UVSSA: variants seen among roughly 807,000 people sequenced by gnomAD.
The protein encoded by UVSSA is UV stimulated scaffold protein A.
In UVSSA, 72 loss-of-function variants were observed where a neutral mutation model predicts 73.9. The ratio of observed to expected loss-of-function variants is 0.97; its 90% CI spans 0.81 to 1.19. The LOEUF (loss-of-function observed/expected upper bound fraction) is 1.19. Among genes scored for constraint, UVSSA ranks in the 50% most tolerant of loss-of-function variants. UVSSA has a pLI of 0.00. For missense variants in UVSSA, 1,150 were observed against 965.0 expected (o/e 1.19, Z -2.54); for synonymous variants, 454 against 391.3 (o/e 1.16, Z -1.89).
At chr4:1,366,885 G>A (rs1474201630) in intron 8 of UVSSA, among the ~76,000 whole-genome samples, 2 of 152,212 alleles carry the variant, frequency 1.3e-5, no homozygotes, top group African/African-American at 2.4e-5. Context: ...GCCCTGCTCA[G>A]GGACAGAAAG....
At chr4:1,356,566 A>G (rs890510227) in intron 7 of UVSSA, 5 of 152,238 alleles carry the variant, frequency 3.3e-5, no homozygotes, top group Non-Finnish European at 5.9e-5. Context: ...ACTTTTTGCA[A>G]TGCGAAAGGA....
At position 1,366,419 on chromosome 4, in the gene UVSSA, C is replaced by G; in HGVS notation, c.1276C>G (p.Arg426Gly). 6.2e-7 allele frequency: 1 copy of G among 1,610,568 alleles called. No homozygotes were observed. Among genetic ancestry groups the G allele is most frequent in the Admixed American group, 1.7e-5 (1 of 59,542 alleles). ...GYEPHIPDHL[R>G]PEYGLEAAPE... ...TGAGCCACACATCCCCGACCACTTG[C>G]GGCCTGAGTATGGTGAGCAGTGGGT... Residue 426 changes from arginine (R) to glycine (G), a missense_variant, in exon 8 of 14, where the codon CGG (arginine) becomes GGG (glycine). Arg to Gly is a moderately radical substitution (Grantham distance 125). Coordinates refer to ENST00000389851, the MANE Select transcript of UVSSA (RefSeq NM_020894.4).
intron 7 of UVSSA, chr4:1,357,125 C>T (rs1298781696): frequency 6.8e-6 from 1 of 146,766 alleles, no homozygotes; most frequent in Non-Finnish European, 1.5e-5. Flanking sequence ...GGTCTGGTCT[C>T]ATCAGGCCTG....
chr4:1,355,236 A>G lies in UVSSA; in HGVS notation c.1167A>G (p.Glu389=), dbSNP rs1432670300. The G allele has an allele frequency of 1.9e-6, 3 of 1,598,756 alleles. No individual in the cohort carries two copies. Among genetic ancestry groups the G allele is most frequent in the Admixed American group, 1.7e-5 (1 of 59,314 alleles). The change falls in exon 7 of 14, where the codon GAA becomes GAG. Residue 389 remains glutamate (E), a synonymous_variant. Coordinates refer to ENST00000389851, the MANE Select transcript of UVSSA (RefSeq NM_020894.4). ...TGGACATCGAGCCTGAGGGAGGGGA[A>G]AGGCGCAGGGTGAGTGGGCAGGCGG... ...KELDIEPEGG[E]RRRTEALGDA... is the part of the protein sequence containing the mutation.
Position 1,366,542 on chromosome 4 carries a change from A to G in UVSSA, c.1288+111A>G, listed in dbSNP as rs111277739. The G allele has an allele frequency of 4.2e-5, 31 of 744,472 alleles. 1 individual carries two copies. Among genetic ancestry groups the G allele is most frequent in the African/African-American group, 4.0e-4 (23 of 56,840 alleles). The allele number at this position is 744,472 out of a possible 1,614,324, so 46.1% of individuals were successfully genotyped here. On this transcript the variant is annotated intron_variant, in intron 8 of 13. Transcript: ENST00000389851. ...CAGGGCCTGGAGCCCATCTTGTGGTAACTGCTGCTTTGGTTTAAAATGCTG... is the reference window on the plus strand; with the variant it reads ...CAGGGCCTGGAGCCCATCTTGTGGTGACTGCTGCTTTGGTTTAAAATGCTG...
At chr4:1,388,690 CT>C (rs1426289101), downstream of UVSSA, 2 of 152,160 alleles carry the variant, frequency 1.3e-5, no homozygotes, top group Non-Finnish European at 2.9e-5. Flanking sequence ...TTGTCAGATG[CT>C]TTTTCTCCAT....
At chr4:1,383,990 G>C in intron 13 of UVSSA, 50 bp downstream of exon 13, 4 of 1,541,100 alleles carry the variant, frequency 2.6e-6, no homozygotes, top group Non-Finnish European at 3.5e-6. Context: ...CCCCGTGTGA[G>C]GGTGTTCGAG....
rs146328096 is a variant in UVSSA, at chr4:1,382,898, C to T, written c.1862-868C>T. Among the ~76,000 whole-genome samples the T allele has an allele frequency of 7.9e-5, 12 of 152,330 alleles. No individual in the cohort carries two copies. The East Asian group carries it at 2.1e-3, about 27-fold the overall frequency. On this transcript the variant is annotated intron_variant, in intron 12 of 13. Coordinates refer to ENST00000389851, the MANE Select transcript of UVSSA (RefSeq NM_020894.4). ...CCTCTGTAGCATTGGTGCCTGGCCC[C>T]CTTCTGTGAGCCAGGGTTGTCTGTA...
downstream of UVSSA, chr4:1,388,565 C>G (rs1720321527): frequency 6.6e-6 from 1 of 152,234 alleles, no homozygotes; most frequent in Non-Finnish European, 1.5e-5. Flanking sequence ...CTTTCGGTCT[C>G]TCACCATTGA....
In UVSSA at chr4:1,348,306, C is replaced by G. The variant is rs756171519; in HGVS notation, c.98+117C>G. 2.4e-5 allele frequency: 19 copies of G among 783,600 alleles called. No individual in the cohort carries two copies. The South Asian group carries it at 2.6e-4, about 11-fold the overall frequency. 48.5% of individuals were successfully genotyped at this position (783,600 alleles called of 1,614,324 possible). A position where few individuals can be genotyped will look rare whatever the true frequency, so the allele number is the denominator to read the frequency against. ...AACCACCCGAGGGACACACCCAGGA[C>G]ATTTTCTCGGGGCCCTGCAGTACCC... On this transcript the variant is annotated intron_variant, in intron 2 of 13. Coordinates refer to ENST00000389851, the MANE Select transcript of UVSSA (RefSeq NM_020894.4).
rs1412612751 is a variant in UVSSA, at chr4:1,349,913, G to A, written c.429+59G>A. 8.5e-6 allele frequency: 12 copies of A among 1,415,418 alleles called. No individual in the cohort carries two copies. In the East Asian group the frequency reaches 2.5e-4, roughly 29 times the overall value. 87.7% of individuals were successfully genotyped at this position (1,415,418 alleles called of 1,614,324 possible). On this transcript the variant is annotated intron_variant, in intron 3 of 13. Coordinates refer to ENST00000389851, the MANE Select transcript of UVSSA (RefSeq NM_020894.4). ...GTTACCTGACGTGAGGAGGGCAGAC[G>A]ATACCAGGGTGAAGATGCGCCTCCT...
At chr4:1,349,277 C>T (rs1412385488) in intron 2 of UVSSA, among the ~76,000 whole-genome samples, 1 of 152,202 alleles carries the variant, frequency 6.6e-6, no homozygotes, top group East Asian at 1.9e-4. Flanking sequence ...TCACATTTCA[C>T]CAAGTATTTT....
Position 1,394,873 on chromosome 4 carries a change from C to T in UVSSA, c.*8912C>T, listed in dbSNP as rs150559021. On this transcript the variant is annotated 3_prime_UTR_variant, in exon 14 of 14. Coordinates refer to the UVSSA transcript ENST00000511216. ...GGAGTGCCCGCCTGCTCACACGTGC[C>T]GATGCGGAGTGCCCGCCTGCTCACA... is the stretch of plus-strand genomic sequence containing the variant. 94 of 1,568,160 alleles carry T rather than the reference C, an allele frequency of 6.0e-5. 3 individuals are homozygous for T. The Admixed American group carries it at 6.2e-4, about 10-fold the overall frequency.
intron 7 of UVSSA, among the ~76,000 whole-genome samples, chr4:1,365,252 T>C (rs978437134): frequency 6.6e-6 from 1 of 152,234 alleles, no homozygotes; most frequent in Non-Finnish European, 1.5e-5. Context: ...GGCCCTGTTA[T>C]GCCCGCAAGA....
In UVSSA at chr4:1,348,321, C is replaced by A. The variant is rs1026012546; in HGVS notation, c.98+132C>A. On this transcript the variant is annotated intron_variant, in intron 2 of 13. Transcript: ENST00000389851. ...ACACCCAGGACATTTTCTCGGGGCC[C>A]TGCAGTACCCGGCTCTGACGGGTGG... is the stretch of plus-strand genomic sequence containing the variant. The A allele has an allele frequency of 2.4e-5, 17 of 697,788 alleles. No individual in the cohort carries two copies. The African/African-American group carries it at 3.1e-4, about 13-fold the overall frequency. 43.2% of individuals were successfully genotyped at this position (697,788 alleles called of 1,614,324 possible).
downstream of UVSSA, chr4:1,388,529 G>T (rs563726456): frequency 6.6e-6 from 1 of 152,192 alleles, no homozygotes; most frequent in African/African-American, 2.4e-5. Context: ...AGACATCCTC[G>T]TCTTACTCTT....
In UVSSA at chr4:1,353,289, A is replaced by G; in HGVS notation, c.810A>G (p.Ala270=). Residue 270 remains alanine (A), a synonymous_variant, in exon 5 of 14, where the codon GCA becomes GCG. Coordinates refer to ENST00000389851, the MANE Select transcript of UVSSA (RefSeq NM_020894.4). Reference sequence around the variant, plus strand: ...GCCACCCCAGAGCGGGCGGCGGGGCACAGCCATCCCAGACAGCCACAGGTG... The same window carrying G: ...GCCACCCCAGAGCGGGCGGCGGGGCGCAGCCATCCCAGACAGCCACAGGTG... The part of the protein sequence containing the change: ...SAGHPRAGGG[A]QPSQTATGDP... The G allele has an allele frequency of 6.2e-7, 1 of 1,611,264 alleles. No individual in the cohort carries two copies. The highest frequency in any genetic ancestry group is 1.1e-5 in the South Asian group (1 of 91,076).
At chr4:1,369,707 C>T (rs1349647391) in intron 8 of UVSSA, among the ~76,000 whole-genome samples, 3 of 152,244 alleles carry the variant, frequency 2.0e-5, no homozygotes, top group Admixed American at 6.5e-5. Flanking sequence ...GCGCAGAGGC[C>T]CCCCTCTCCG....
Position 1,355,111 on chromosome 4 carries a change from T to A in UVSSA, c.1048-6T>A. The A allele has an allele frequency of 6.2e-7, 1 of 1,613,438 alleles. No individual in the cohort carries two copies. The highest frequency in any genetic ancestry group is 8.5e-7 in the Non-Finnish European group (1 of 1,179,784). ...CCCCTGAGCTGTTCGCACCCCCGTT[T>A]CGCAGCGCTTCACCCGCGTCGGGAC... On this transcript the variant is annotated splice_region_variant and splice_polypyrimidine_tract_variant and intron_variant, in intron 6 of 13. Coordinates refer to ENST00000389851, the MANE Select transcript of UVSSA (RefSeq NM_020894.4).
Sources: gnomAD v4.1 joint callset for allele counts (sites outside exome capture counted in the v4.1 genomes callset) on GRCh38, gnomAD v4.1.1 for gene constraint, MANE v1.5 for transcripts, NCBI Gene and HGNC (gene_info 2026-07-23, HGNC 2026-07-21) for gene names.